The following CRTC1 variants were observed in gnomAD, a reference collection of about 807,000 sequenced individuals.
CRTC1 encodes the protein CREB-regulated transcription coactivator 1.
In CRTC1, 18 loss-of-function variants were observed where a neutral mutation model predicts 66.1. The ratio of observed to expected loss-of-function variants is 0.27; its 90% CI spans 0.19 to 0.40. CRTC1 has a LOEUF of 0.40. Among genes scored for constraint, CRTC1 ranks in the 10% least tolerant of loss-of-function variants. The probability of loss-of-function intolerance (pLI) is 1.00; values close to 1 mark genes in which losing one functional copy is unlikely to be tolerated. For synonymous variants in CRTC1, 416 were observed against 398.8 expected, an observed-to-expected ratio of 1.04 and a Z score of -0.51; for missense variants, 669 against 887.9, an observed-to-expected ratio of 0.75 and a Z score of 3.13.
At chr19:18,767,586 C>G (rs376801760) in intron 9 of CRTC1, among the ~76,000 whole-genome samples, 2 of 152,198 alleles carry the variant, frequency 1.3e-5, no homozygotes, top group East Asian at 1.9e-4. Context: ...ATGCCCGGCC[C>G]GGACTCCATT....
intron 4 of CRTC1, 39 bp downstream of exon 4, chr19:18,747,153 TG>T: frequency 9.3e-7 from 1 of 1,071,408 alleles, no homozygotes; most frequent in Non-Finnish European, 1.3e-6. Context: ...CCCTTCTTGT[TG>T]GAAACAAAAC....
At chr19:18,751,966 C>T (rs1253330341) in intron 5 of CRTC1, among the ~76,000 whole-genome samples, 1 of 152,012 alleles carries the variant, frequency 6.6e-6, no homozygotes, top group Non-Finnish European at 1.5e-5. Context: ...GAGTTTGAGA[C>T]CAGCCTGGCC....
intron 1 of CRTC1, among the ~76,000 whole-genome samples, chr19:18,723,464 G>A (rs1356131192): frequency 6.6e-6 from 1 of 152,192 alleles, no homozygotes; most frequent in Non-Finnish European, 1.5e-5. Flanking sequence ...CAGGGCGTGA[G>A]GAAGGGATGA....
intron 1 of CRTC1, among the ~76,000 whole-genome samples, chr19:18,732,272 A>AG (rs934078364): frequency 2.0e-4 from 31 of 152,278 alleles, no homozygotes; most frequent in Admixed American, 1.0e-3. Flanking sequence ...CAAGCCATAA[A>AG]GGGGGGGTCC....
chr19:18,749,993 C>T, intron 5 of CRTC1, 118 bp downstream of exon 5: 1 of 778,636 alleles, frequency 1.3e-6, no homozygotes, highest in Non-Finnish European at 2.2e-6. Context: ...AGACTCAGAC[C>T]ATGCTGAGGG....
At chr19:18,689,334 C>T (rs1274822267) in intron 1 of CRTC1, among the ~76,000 whole-genome samples, 2 of 151,142 alleles carry the variant, frequency 1.3e-5, no homozygotes, top group Non-Finnish European at 2.9e-5. Context: ...AATCCTGCAC[C>T]ATGAAGCCTT....
At chr19:18,738,172 C>A (rs914608703) in intron 1 of CRTC1, among the ~76,000 whole-genome samples, 5 of 151,888 alleles carry the variant, frequency 3.3e-5, no homozygotes, top group African/African-American at 4.8e-5. Flanking sequence ...TAAAAATTAG[C>A]CAGGCATGGT....
rs770824108 is a variant in CRTC1, at chr19:18,745,814, C to T, written c.244-9C>T. On this transcript the variant is annotated splice_polypyrimidine_tract_variant and intron_variant, in intron 2 of 13. Transcript: ENST00000321949. ...TCTCTCTCTCTGTTTCCATCTCCTC[C>T]TCCCCCAGACCCCCTTCCAATCCTC... The T allele has an allele frequency of 2.9e-5, 46 of 1,613,832 alleles. No individual in the cohort carries two copies. The highest frequency in any genetic ancestry group is 3.9e-5 in the Non-Finnish European group (46 of 1,179,902).
chr19:18,751,364 AT>A (rs1468276693), intron 5 of CRTC1, among the ~76,000 whole-genome samples: 24 of 152,022 alleles, frequency 1.6e-4, no homozygotes, highest in Non-Finnish European at 2.4e-4. Flanking sequence ...TCTACCAAAA[AT>A]ACAAAAAAAT....
In CRTC1 at chr19:18,760,285, G is replaced by T; in HGVS notation, c.886+57G>T. On this transcript the variant is annotated intron_variant, in intron 8 of 13. Coordinates refer to ENST00000321949, the MANE Select transcript of CRTC1 (RefSeq NM_015321.3). The surrounding 1 kb of genome is among the most constrained non-coding windows in gnomAD (Gnocchi z 6.2). The stretch of plus-strand genomic sequence containing the variant: ...GCACTGGCTTGTGGAGACAACACGG[G>T]CATCTGCAGGATGACTTGGCAGAGT... The T allele has an allele frequency of 1.5e-6, 2 of 1,361,074 alleles. No homozygotes were observed. Among genetic ancestry groups the T allele is most frequent in the East Asian group, 2.5e-5 (1 of 39,810 alleles). The allele number at this position is 1,361,074 out of a possible 1,614,324, so 84.3% of individuals were successfully genotyped here.
intron 7 of CRTC1, 50 bp downstream of exon 7, chr19:18,759,641 C>T (rs759243756): frequency 1.1e-5 from 18 of 1,590,562 alleles, no homozygotes; most frequent in African/African-American, 1.3e-5. Flanking sequence ...TGCGCTGCTC[C>T]GTCCACCCTG....
At chr19:18,715,707 C>T (rs978575245) in intron 1 of CRTC1, among the ~76,000 whole-genome samples, 3 of 152,228 alleles carry the variant, frequency 2.0e-5, no homozygotes, top group Non-Finnish European at 4.4e-5. Flanking sequence ...CTTTTGCTTT[C>T]GTCATTTGTG....
intron 1 of CRTC1, among the ~76,000 whole-genome samples, chr19:18,695,083 C>T (rs1356412329): frequency 6.6e-6 from 1 of 152,098 alleles, no homozygotes; most frequent in Non-Finnish European, 1.5e-5. Flanking sequence ...GTTGGCCAGG[C>T]TGCTCTCCAA....
At chr19:18,758,713 G>T (rs561084511) in intron 6 of CRTC1, among the ~76,000 whole-genome samples, 1 of 152,208 alleles carries the variant, frequency 6.6e-6, no homozygotes, top group Non-Finnish European at 1.5e-5. Flanking sequence ...AGTGACCTCT[G>T]AACTGAGTTT....
In CRTC1 at chr19:18,759,561, G is replaced by C. The variant is rs1165220781; in HGVS notation, c.635G>C (p.Arg212Thr). Residue 212 changes from arginine to threonine, a missense_variant, in exon 7 of 14, where the codon AGG becomes ACG. Arg to Thr is a moderately conservative substitution (Grantham distance 71). Transcript: ENST00000321949. ...QAWDTKKTGSRPKSCEVPGIN... is the reference protein window; with the variant it reads ...QAWDTKKTGSTPKSCEVPGIN... ...TGTCTTCTCTTTCAGACGGGGTCCA[G>C]GCCCAAGTCCTGTGAGGTCCCCGGA... 3 of 1,612,968 alleles carry C rather than the reference G, an allele frequency of 1.9e-6. No homozygotes were observed. In the South Asian group the frequency reaches 3.3e-5, roughly 18 times the overall value.
At position 18,731,782 on chromosome 19, in the gene CRTC1, T is replaced by C. The variant is rs572720317; in HGVS notation, c.127-11128T>C. Among the ~76,000 whole-genome samples the C allele has an allele frequency of 2.0e-5, 3 of 152,250 alleles. No individual in the cohort carries two copies. In the South Asian group the frequency reaches 6.2e-4, roughly 32 times the overall value. On this transcript the variant is annotated intron_variant, in intron 1 of 13. Coordinates refer to ENST00000321949, the MANE Select transcript of CRTC1 (RefSeq NM_015321.3). ...AGAAACACCGCCCACAGCTTCCTGC[T>C]CGTCACACCTCGGCTGCCTGGCTGC...
In CRTC1 at chr19:18,753,484, C is replaced by G; in HGVS notation, c.539-16C>G. On this transcript the variant is annotated splice_polypyrimidine_tract_variant and intron_variant, in intron 5 of 13. Coordinates refer to ENST00000321949, the MANE Select transcript of CRTC1 (RefSeq NM_015321.3). The stretch of plus-strand genomic sequence containing the variant: ...TTTCTTCTCTGATTCTCCTTCTCCC[C>G]CTCCCACCTCCCCAGTCTTACTGTT... The G allele has an allele frequency of 1.3e-6, 2 of 1,585,538 alleles. No individual in the cohort carries two copies. The highest frequency in any genetic ancestry group is 1.7e-6 in the Non-Finnish European group (2 of 1,161,160).
chr19:18,777,163 T>TC lies in CRTC1; in HGVS notation c.1694-3dup. On this transcript the variant is annotated splice_polypyrimidine_tract_variant and splice_region_variant and intron_variant, in intron 13 of 13. Transcript: ENST00000321949. This position sits in a 1 kb window ranked among gnomAD's most constrained non-coding sequence, Gnocchi z 5.5. ...AGCAGTGCCTTTTGTCCCCACCCCA[T>TC]CCCCCAGTGACAGGAGAGTCCCCCC... 1.1e-6 allele frequency: 1 copy of TC among 943,922 alleles called. No individual in the cohort carries two copies. 58.5% of individuals were successfully genotyped at this position (943,922 alleles called of 1,614,324 possible). A position where few individuals can be genotyped will look rare whatever the true frequency, so the allele number is the denominator to read the frequency against.
chr19:18,705,801 T>G (rs1372677115), intron 1 of CRTC1, among the ~76,000 whole-genome samples: 1 of 152,118 alleles, frequency 6.6e-6, no homozygotes, highest in Non-Finnish European at 1.5e-5. Flanking sequence ...CCTAATATTT[T>G]TTTTTTGCAA....
Sources: allele counts gnomAD v4.1 joint callset (sites outside exome capture counted in the v4.1 genomes callset), GRCh38; gene constraint gnomAD v4.1.1; non-coding constraint Gnocchi (gnomAD v3.1); transcripts MANE v1.5; gene names NCBI Gene and HGNC (gene_info 2026-07-23, HGNC 2026-07-21).